SLC5A4: variants seen among roughly 807,000 people sequenced by gnomAD.
SLC5A4 encodes the protein probable glucose sensor protein SLC5A4.
In SLC5A4, 55 loss-of-function variants were observed where a neutral mutation model predicts 70.3. That is an observed-to-expected ratio of 0.78 (90% CI 0.63 to 0.98). The LOEUF (loss-of-function observed/expected upper bound fraction) is 0.98. Among genes scored for constraint, SLC5A4 ranks in the 50% least tolerant of loss-of-function variants. SLC5A4 has a pLI of 0.00. For missense variants in SLC5A4, 735 were observed against 839.2 expected, an observed-to-expected ratio of 0.88 and a Z score of 1.53; for synonymous variants, 268 against 305.7, an observed-to-expected ratio of 0.88 and a Z score of 1.29.
the SLC5A4 span, among the ~76,000 whole-genome samples, chr22:32,293,201 T>C: frequency 7.2e-5 from 11 of 152,286 alleles, no homozygotes; most frequent in African/African-American, 2.2e-4. Flanking sequence ...AAATAACATA[T>C]AGTTGGTGTT....
At chr22:32,323,112 G>GC in the SLC5A4 span, among the ~76,000 whole-genome samples, 2 of 152,108 alleles carry the variant, frequency 1.3e-5, no homozygotes, top group African/African-American at 4.8e-5. Flanking sequence ...ACCAAACCAG[G>GC]CACCCTCCGG....
the SLC5A4 span, chr22:32,272,259 C>A: frequency 1.3e-6 from 1 of 796,708 alleles, no homozygotes; most frequent in Non-Finnish European, 2.3e-6. Context: ...GCCCAGCCAG[C>A]CCTTGACCAA....
At chr22:32,269,504 G>T in the SLC5A4 span, 1 of 586,244 alleles carries the variant, frequency 1.7e-6, no homozygotes. The surrounding 1 kb of genome is among the most constrained non-coding windows in gnomAD (Gnocchi z 4.1). Flanking sequence ...CGGGCACGTG[G>T]CTGTGTGGCA....
At chr22:32,276,875 C>G in the SLC5A4 span, 1 of 152,094 alleles carries the variant, frequency 6.6e-6, no homozygotes, top group South Asian at 2.1e-4. Context: ...TCAATGAATT[C>G]ATTAATAAGG....
At chr22:32,308,688 C>T in the SLC5A4 span, among the ~76,000 whole-genome samples, 3 of 150,356 alleles carry the variant, frequency 2.0e-5, no homozygotes, top group African/African-American at 7.3e-5. Context: ...ACCCTGGGAA[C>T]ACTGTCAGCT....
chr22:32,340,001 C>T, the SLC5A4 span, among the ~76,000 whole-genome samples: 1 of 152,226 alleles, frequency 6.6e-6, no homozygotes, highest in Non-Finnish European at 1.5e-5. Flanking sequence ...GGCATCATCT[C>T]AGGTTTAGCT....
the SLC5A4 span, among the ~76,000 whole-genome samples, chr22:32,318,968 G>A: frequency 6.6e-6 from 1 of 152,182 alleles, no homozygotes; most frequent in Admixed American, 6.5e-5. Flanking sequence ...CATGATGAGA[G>A]GAACATGTGA....
chr22:32,242,603 G>A (rs1025276386), intron 5 of SLC5A4, among the ~76,000 whole-genome samples: 1 of 152,146 alleles, frequency 6.6e-6, no homozygotes, highest in African/African-American at 2.4e-5. Flanking sequence ...CAGCTACTTA[G>A]GAGGCTGAGG....
chr22:32,324,043 C>T, the SLC5A4 span, among the ~76,000 whole-genome samples: 1 of 152,164 alleles, frequency 6.6e-6, no homozygotes, highest in Admixed American at 6.5e-5. Flanking sequence ...TGGTCACTCC[C>T]TGGGGATACA....
At chr22:32,314,685 A>T in the SLC5A4 span, among the ~76,000 whole-genome samples, 5 of 152,176 alleles carry the variant, frequency 3.3e-5, no homozygotes, top group Non-Finnish European at 7.3e-5. Flanking sequence ...GCTGATAAAG[A>T]CATACCCAAG....
chr22:32,230,920 C>G, intron 10 of SLC5A4, 48 bp downstream of exon 10: 1 of 1,153,516 alleles, frequency 8.7e-7, no homozygotes, highest in Non-Finnish European at 1.3e-6. Flanking sequence ...CCTCGAGGCC[C>G]GTCTTAGACA....
intron 5 of SLC5A4, among the ~76,000 whole-genome samples, chr22:32,245,507 T>C (rs1462103961): frequency 2.0e-5 from 3 of 152,220 alleles, no homozygotes; most frequent in East Asian, 1.9e-4. Context: ...CATGCTCTTT[T>C]TTAAATAAAA....
At chr22:32,343,539 G>C in the SLC5A4 span, among the ~76,000 whole-genome samples, 1 of 152,180 alleles carries the variant, frequency 6.6e-6, no homozygotes. Context: ...CCAACCTCCA[G>C]ACTCTATGCT....
chr22:32,292,034 G>A, the SLC5A4 span, among the ~76,000 whole-genome samples: 5 of 140,370 alleles, frequency 3.6e-5, no homozygotes, highest in Non-Finnish European at 6.1e-5. Flanking sequence ...CACTACGCCC[G>A]GCTATTTTTT....
upstream of SLC5A4, among the ~76,000 whole-genome samples, chr22:32,257,768 C>T (rs928732494): frequency 2.0e-5 from 3 of 150,896 alleles, no homozygotes; most frequent in African/African-American, 4.9e-5. Context: ...TGGGTTCAAG[C>T]GATTCTCCTG....
intron 4 of SLC5A4, among the ~76,000 whole-genome samples, chr22:32,248,107 A>AT (rs949632623): frequency 1.9e-4 from 29 of 152,188 alleles, no homozygotes; most frequent in African/African-American, 6.5e-4. Context: ...AAGAAATTTG[A>AT]TTTTTTTGTC....
the SLC5A4 span, among the ~76,000 whole-genome samples, chr22:32,348,046 T>C: frequency 3.3e-5 from 5 of 152,130 alleles, no homozygotes; most frequent in African/African-American, 9.7e-5. Context: ...ATGGGGATAA[T>C]AACAGCATTG....
At chr22:32,291,205 TC>T in the SLC5A4 span, among the ~76,000 whole-genome samples, 2 of 108,730 alleles carry the variant, frequency 1.8e-5, no homozygotes, top group African/African-American at 6.8e-5. Flanking sequence ...GTTTGACTGT[TC>T]TTTTTTTTTT....
At chr22:32,236,521 AACTG>A (rs1443849374) in intron 7 of SLC5A4, among the ~76,000 whole-genome samples, 1 of 152,236 alleles carries the variant, frequency 6.6e-6, no homozygotes, top group South Asian at 2.1e-4. Flanking sequence ...GATTCAGTTG[AACTG>A]ACTAATATTC....
Sources: gnomAD v4.1 joint callset for allele counts (sites outside exome capture counted in the v4.1 genomes callset) on GRCh38, gnomAD v4.1.1 for gene constraint, Gnocchi (gnomAD v3.1) non-coding constraint, MANE v1.5 for transcripts, NCBI Gene and HGNC (gene_info 2026-07-23, HGNC 2026-07-21) for gene names.